The following MTMR9 variants were observed in gnomAD, a reference collection of about 807,000 sequenced individuals.
The protein encoded by MTMR9 is myotubularin related protein 9, also known as myotubularin-related protein 9.
In MTMR9, 39 loss-of-function variants were observed where a neutral mutation model predicts 69.5. That is an observed-to-expected ratio of 0.56 (90% CI 0.43 to 0.73). The LOEUF is 0.73. Ranked by LOEUF, MTMR9 falls within the 30% of genes least tolerant of loss-of-function variation. The pLI is 0.00. For synonymous variants in MTMR9, 354 were observed against 240.8 expected (o/e 1.47, Z -4.35); for missense variants, 900 against 671.2 (o/e 1.34, Z -3.77).
intron 6 of MTMR9, 21 bp downstream of exon 6, chr8:11,309,709 C>A: frequency 1.2e-6 from 2 of 1,610,768 alleles, no homozygotes; most frequent in African/African-American, 1.3e-5. Flanking sequence ...TTTCAGCGTT[C>A]CTGAGCGAAA....
chr8:11,321,630 A>C (rs1800697127), intron 9 of MTMR9: 1 of 387,372 alleles, frequency 2.6e-6, no homozygotes, highest in Admixed American at 3.0e-5. Flanking sequence ...TCTATTAGGT[A>C]AAATCCTATG....
In MTMR9 at chr8:11,327,580, T is replaced by C. The variant is rs1336930323; in HGVS notation, c.*4792T>C. The C allele has an allele frequency of 6.6e-6, 1 of 152,596 alleles. No individual in the cohort carries two copies. The highest frequency in any genetic ancestry group is 1.9e-4 in the East Asian group (1 of 5,206). The allele number at this position is 152,596 out of a possible 1,614,324, so 9.5% of individuals were successfully genotyped here. ...ATCTAATACCATCTACACAAAAAAA[T>C]GTTGTAGTTGCAGAACTTAGTTTAT... On this transcript the variant is annotated 3_prime_UTR_variant, in exon 10 of 10. Coordinates refer to ENST00000221086, the MANE Select transcript of MTMR9 (RefSeq NM_015458.4).
chr8:11,297,608 T>C (rs1297536263), intron 2 of MTMR9, among the ~76,000 whole-genome samples: 1 of 151,978 alleles, frequency 6.6e-6, no homozygotes, highest in African/African-American at 2.4e-5. Context: ...TGAGAATTGA[T>C]CTGTAAGATG....
chr8:11,328,759 T>C (rs1187837884), downstream of MTMR9, among the ~76,000 whole-genome samples: 1 of 152,210 alleles, frequency 6.6e-6, no homozygotes, highest in East Asian at 1.9e-4. Flanking sequence ...ACTAACTTTA[T>C]AGTGAAAGGA....
At chr8:11,335,815 C>T in the MTMR9 span, among the ~76,000 whole-genome samples, 3 of 152,160 alleles carry the variant, frequency 2.0e-5, no homozygotes, top group East Asian at 3.8e-4. Context: ...CAAATTTCCC[C>T]TTTTATTTTC....
At chr8:11,313,562 C>T (rs1190625012) in intron 6 of MTMR9, among the ~76,000 whole-genome samples, 3 of 152,194 alleles carry the variant, frequency 2.0e-5, no homozygotes, top group African/African-American at 4.8e-5. Flanking sequence ...AGACATGCTA[C>T]TCTTCCTTTC....
At chr8:11,309,992 T>TA (rs961374821) in intron 6 of MTMR9, among the ~76,000 whole-genome samples, 7 of 152,206 alleles carry the variant, frequency 4.6e-5, no homozygotes, top group Admixed American at 3.9e-4. Context: ...ATTTTTTTCT[T>TA]AAACTGTGAA....
At chr8:11,297,973 C>T in intron 2 of MTMR9, 1 of 456,226 alleles carries the variant, frequency 2.2e-6, no homozygotes. Context: ...TTGAATTTTT[C>T]ATATAGCATA....
At chr8:11,297,475 G>A (rs1330623706) in intron 2 of MTMR9, among the ~76,000 whole-genome samples, 1 of 151,824 alleles carries the variant, frequency 6.6e-6, no homozygotes, top group Non-Finnish European at 1.5e-5. Context: ...TTGGGCATTT[G>A]GGCAGAGGAA....
At chr8:11,337,628 A>G in the MTMR9 span, among the ~76,000 whole-genome samples, 148 of 152,268 alleles carry the variant, frequency 9.7e-4, 1 homozygote, top group Non-Finnish European at 1.7e-3. Context: ...GGCAGAGGCC[A>G]GTAGTGTTGA....
At chr8:11,322,591 T>C (rs1330488648) in intron 9 of MTMR9, 34 bp from the exon 10 acceptor site, 4 of 1,592,726 alleles carry the variant, frequency 2.5e-6, no homozygotes, top group Non-Finnish European at 3.4e-6. Flanking sequence ...TATATACCTT[T>C]CTTGCTTCTG....
chr8:11,328,752 AACTT>A (rs1801060370), downstream of MTMR9, among the ~76,000 whole-genome samples: 1 of 152,220 alleles, frequency 6.6e-6, no homozygotes, highest in Non-Finnish European at 1.5e-5. Flanking sequence ...AGAAAATACT[AACTT>A]TATAGTGAAA....
At chr8:11,331,457 T>C (rs749889037), downstream of MTMR9, 9 of 1,613,900 alleles carry the variant, frequency 5.6e-6, no homozygotes, top group South Asian at 8.8e-5. Flanking sequence ...GCATTGGATG[T>C]GCCTACAGTG....
intron 1 of MTMR9, 70 bp from the exon 2 acceptor site, chr8:11,295,118 TCTTTTC>T: frequency 1.3e-6 from 1 of 786,790 alleles, no homozygotes. Flanking sequence ...AACTATATTC[TCTTTTC>T]AAAGAAATAA....
chr8:11,330,857 A>T (rs1425487798), downstream of MTMR9: 2 of 638,790 alleles, frequency 3.1e-6, no homozygotes, highest in African/African-American at 3.7e-5. Context: ...TCCCTCCACT[A>T]TTGTCCTATG....
chr8:11,310,878 A>G (rs1397148245), intron 6 of MTMR9, among the ~76,000 whole-genome samples: 2 of 152,202 alleles, frequency 1.3e-5, no homozygotes, highest in African/African-American at 4.8e-5. Flanking sequence ...TGCAGAATGC[A>G]GAACAGTTCT....
At chr8:11,334,959 A>T in the MTMR9 span, among the ~76,000 whole-genome samples, 237 of 152,290 alleles carry the variant, frequency 1.6e-3, no homozygotes, top group Middle Eastern at 6.8e-3. Flanking sequence ...AGAACATCTT[A>T]AAAAAATTCT....
intron 2 of MTMR9, among the ~76,000 whole-genome samples, chr8:11,295,625 C>T (rs141458813): frequency 6.6e-6 from 1 of 152,100 alleles, no homozygotes; most frequent in Non-Finnish European, 1.5e-5. Flanking sequence ...TGTATGAGTT[C>T]TTATTTGGGG....
intron 2 of MTMR9, among the ~76,000 whole-genome samples, chr8:11,298,350 T>C (rs566835515): frequency 4.2e-4 from 64 of 152,140 alleles, no homozygotes; most frequent in African/African-American, 1.4e-3. Context: ...TTTGGTGTGA[T>C]TGGCAGCCAA....
Sources: gnomAD v4.1 joint callset for allele counts (sites outside exome capture counted in the v4.1 genomes callset) on GRCh38, gnomAD v4.1.1 for gene constraint, MANE v1.5 for transcripts, NCBI Gene and HGNC (gene_info 2026-07-23, HGNC 2026-07-21) for gene names.